The following ADNP variants were observed in gnomAD, a reference collection of about 807,000 sequenced individuals.
ADNP encodes the protein activity dependent neuroprotector homeobox.
A neutral mutation model predicts 84.9 loss-of-function variants in ADNP; 4 were observed. The observed-to-expected ratio is 0.05, with a 90% CI of 0.02 to 0.11. ADNP has a LOEUF of 0.11. Ranked by LOEUF, ADNP falls within the 10% of genes least tolerant of loss-of-function variation. The pLI, the probability that ADNP is intolerant of heterozygous loss-of-function variation, is 1.00. For missense variants in ADNP, 1,132 were observed against 1,326.0 expected (o/e 0.85, Z 2.27); for synonymous variants, 554 against 468.1 (o/e 1.18, Z -2.37).
intron 2 of ADNP, among the ~76,000 whole-genome samples, chr20:50,920,707 A>T (rs1187016918): frequency 1.3e-5 from 2 of 152,152 alleles, no homozygotes; most frequent in African/African-American, 2.4e-5. Context: ...TAGGTATGAG[A>T]TAATAGGATA....
intron 2 of ADNP, among the ~76,000 whole-genome samples, chr20:50,920,571 C>CATATTT (rs1983892317): frequency 6.8e-6 from 1 of 148,140 alleles, no homozygotes; most frequent in South Asian, 2.1e-4. Context: ...AAAAAAAAAG[C>CATATTT]CTGGAGGAAG....
chr20:50,914,888 AG>A (rs774104910), intron 2 of ADNP, among the ~76,000 whole-genome samples: 13 of 152,132 alleles, frequency 8.5e-5, no homozygotes, highest in Non-Finnish European at 1.9e-4. Context: ...TTGTGATAGG[AG>A]GAATATTTAC....
chr20:50,924,484 G>A (rs1984160469), intron 2 of ADNP, among the ~76,000 whole-genome samples: 1 of 152,178 alleles, frequency 6.6e-6, no homozygotes, highest in African/African-American at 2.4e-5. Flanking sequence ...TGTGTTGCAA[G>A]CACAGGCCTG....
rs749606455 is a variant in ADNP at position 50,913,801 on chromosome 20, G to A, written c.-89-8952C>T. ...GGGAAGCTGGAGGAGGTGAAGGAGAGGATTCTGGCCAATAAACCCCTGGCT... is the reference window on the plus strand; with the variant it reads ...GGGAAGCTGGAGGAGGTGAAGGAGAAGATTCTGGCCAATAAACCCCTGGCT... On this transcript the variant is annotated intron_variant, in intron 2 of 5. Transcript: ENST00000621696. 37 of 491,902 alleles carry A rather than the reference G, an allele frequency of 7.5e-5. 1 individual carries two copies. Among genetic ancestry groups the A allele is most frequent in the Middle Eastern group, 6.6e-4 (1 of 1,522 alleles). The allele number at this position is 491,902 out of a possible 1,614,324, so 30.5% of individuals were successfully genotyped here. A position where few individuals can be genotyped will look rare whatever the true frequency, so the allele number is the denominator to read the frequency against.
chr20:50,901,441 T>C (rs567611328), intron 5 of ADNP, among the ~76,000 whole-genome samples: 1 of 151,030 alleles, frequency 6.6e-6, no homozygotes. Context: ...AAATAGGTAA[T>C]GGTAAAAATT....
At chr20:50,930,528 G>C (rs1259321862) in intron 1 of ADNP, among the ~76,000 whole-genome samples, 1 of 152,034 alleles carries the variant, frequency 6.6e-6, no homozygotes, top group Non-Finnish European at 1.5e-5. Flanking sequence ...AGCTGCAAAA[G>C]CTCCGGGCGG....
At chr20:50,905,998 G>A (rs1176545078) in intron 2 of ADNP, among the ~76,000 whole-genome samples, 1 of 152,188 alleles carries the variant, frequency 6.6e-6, no homozygotes, top group African/African-American at 2.4e-5. Context: ...AGATCACGAG[G>A]TCAAGAGATC....
At position 50,928,732 on chromosome 20, in the gene ADNP, C is replaced by CA. The variant is rs1984449480; in HGVS notation, c.-172dup. 6.6e-6 allele frequency: 1 copy of CA among 152,230 alleles called. No homozygotes were observed. The highest frequency in any genetic ancestry group is 2.4e-5 in the African/African-American group (1 of 41,450). The allele number at this position is 152,230 out of a possible 1,614,324, so 9.4% of individuals were successfully genotyped here. On this transcript the variant is annotated 5_prime_UTR_variant, in exon 2 of 6. An upstream open reading frame in the 5' UTR gains an earlier in-frame stop. Transcript: ENST00000621696. Reference sequence around the variant, plus strand: ...TCAAAATGGTAGTACAGGGCATAACCACTAGGCCACCTATCAGTTCAGTAC... The same window carrying CA: ...TCAAAATGGTAGTACAGGGCATAACCAACTAGGCCACCTATCAGTTCAGTAC...
chr20:50,912,099 C>CCTTA (rs574440369), intron 2 of ADNP, among the ~76,000 whole-genome samples: 101 of 152,316 alleles, frequency 6.6e-4, no homozygotes, highest in South Asian at 5.6e-3. Flanking sequence ...ACACAAGGAT[C>CCTTA]CTTACTTCTT....
chr20:50,922,143 TCA>T (rs893962890), intron 2 of ADNP, among the ~76,000 whole-genome samples: 3 of 152,202 alleles, frequency 2.0e-5, no homozygotes, highest in African/African-American at 7.2e-5. Context: ...TCCTCTGCCC[TCA>T]CACCACACAG....
chr20:50,894,885 G>A (rs747562971), intron 5 of ADNP, among the ~76,000 whole-genome samples: 15 of 151,870 alleles, frequency 9.9e-5, no homozygotes, highest in Non-Finnish European at 1.8e-4. Flanking sequence ...CGACAAGAGC[G>A]AAACTGTCTC....
chr20:50,930,094 A>G (rs1444028179), intron 1 of ADNP, among the ~76,000 whole-genome samples: 1 of 152,024 alleles, frequency 6.6e-6, no homozygotes, highest in East Asian at 1.9e-4. Context: ...GGTGAATACG[A>G]GTGTGTTCAC....
intron 2 of ADNP, chr20:50,909,678 T>C (rs1247080796): frequency 2.0e-5 from 3 of 152,266 alleles, no homozygotes; most frequent in Non-Finnish European, 4.4e-5. Context: ...ACACCTGTTT[T>C]TGCCTGCCCA....
At chr20:50,916,759 G>A (rs768330583) in intron 2 of ADNP, among the ~76,000 whole-genome samples, 1 of 152,166 alleles carries the variant, frequency 6.6e-6, no homozygotes, top group Non-Finnish European at 1.5e-5. Context: ...TTCAGCTGAT[G>A]AGGAAAAAGA....
chr20:50,922,499 G>A (rs1260270915), intron 2 of ADNP, among the ~76,000 whole-genome samples: 1 of 151,286 alleles, frequency 6.6e-6, no homozygotes. Flanking sequence ...AGGGCACTGG[G>A]CTTCCATACC....
intron 2 of ADNP, among the ~76,000 whole-genome samples, chr20:50,923,163 C>T (rs118001543): frequency 3.9e-5 from 6 of 152,282 alleles, no homozygotes; most frequent in Non-Finnish European, 7.4e-5. Context: ...TATCACAACA[C>T]CACAAGAGGA....
intron 2 of ADNP, chr20:50,914,468 T>C (rs1394223664): frequency 2.2e-5 from 9 of 402,490 alleles, no homozygotes; most frequent in Non-Finnish European, 3.7e-5. Context: ...CTAACATACT[T>C]GGGCACAGGA....
chr20:50,921,326 G>C (rs1983944132), intron 2 of ADNP, among the ~76,000 whole-genome samples: 1 of 152,186 alleles, frequency 6.6e-6, no homozygotes, highest in South Asian at 2.1e-4. Context: ...ACATCTGTGT[G>C]AGCCATTCAT....
chr20:50,918,569 T>G (rs905754500), intron 2 of ADNP, among the ~76,000 whole-genome samples: 9 of 152,168 alleles, frequency 5.9e-5, no homozygotes, highest in Non-Finnish European at 1.2e-4. Context: ...AACAGGATAT[T>G]ATATTACTTT....
Sources: gnomAD v4.1 joint callset for allele counts (sites outside exome capture counted in the v4.1 genomes callset) on GRCh38, gnomAD v4.1.1 for gene constraint, MANE v1.5 for transcripts, NCBI Gene and HGNC (gene_info 2026-07-23, HGNC 2026-07-21) for gene names.